TTLL5: variants seen among roughly 807,000 people sequenced by gnomAD.
The protein encoded by TTLL5 is tubulin tyrosine ligase like 5, also known as tubulin polyglutamylase TTLL5.
Under a neutral mutation model 168.4 loss-of-function variants are expected in TTLL5, and 132 were observed. That is an observed-to-expected ratio of 0.78 (90% CI 0.68 to 0.91). The LOEUF is 0.91. Among genes scored for constraint, TTLL5 ranks in the 40% least tolerant of loss-of-function variants. The pLI, the probability that TTLL5 is intolerant of heterozygous loss-of-function variation, is 0.00. For synonymous variants in TTLL5, 546 were observed against 558.6 expected (o/e 0.98, Z 0.32); for missense variants, 1,545 against 1,581.5 (o/e 0.98, Z 0.39).
chr14:75,746,764 A>G (rs967109360), intron 17 of TTLL5, among the ~76,000 whole-genome samples: 1 of 152,036 alleles, frequency 6.6e-6, no homozygotes, highest in African/African-American at 2.4e-5. Flanking sequence ...GGGTCTCCCC[A>G]TGTTGCCCAA....
chr14:75,734,967 A>G (rs1187628262), intron 14 of TTLL5, among the ~76,000 whole-genome samples: 2 of 152,158 alleles, frequency 1.3e-5, no homozygotes, highest in East Asian at 1.9e-4. Context: ...CAGCTACCCA[A>G]CCAGCAAGGT....
intron 31 of TTLL5, among the ~76,000 whole-genome samples, chr14:75,933,799 G>A (rs755909128): frequency 3.9e-5 from 6 of 152,218 alleles, no homozygotes; most frequent in Non-Finnish European, 8.8e-5. Flanking sequence ...ATGAGGCCAT[G>A]CGGCAGGGCC....
intron 31 of TTLL5, among the ~76,000 whole-genome samples, chr14:75,906,325 C>T (rs2033146432): frequency 6.6e-6 from 1 of 152,132 alleles, no homozygotes; most frequent in Admixed American, 6.5e-5. Context: ...CCCCTGATTG[C>T]TCCCCAGATT....
At chr14:75,734,755 G>A (rs1888779651) in intron 14 of TTLL5, among the ~76,000 whole-genome samples, 1 of 152,184 alleles carries the variant, frequency 6.6e-6, no homozygotes, top group African/African-American at 2.4e-5. Flanking sequence ...ACCACCTTCT[G>A]CAGTTCCAGA....
At chr14:75,807,505 A>G (rs1893726088) in intron 27 of TTLL5, among the ~76,000 whole-genome samples, 2 of 152,240 alleles carry the variant, frequency 1.3e-5, no homozygotes, top group African/African-American at 4.8e-5. Flanking sequence ...GACATTAATC[A>G]GATGCTTACT....
chr14:75,899,266 A>G (rs554088108), intron 30 of TTLL5, among the ~76,000 whole-genome samples: 5 of 152,220 alleles, frequency 3.3e-5, no homozygotes, highest in Non-Finnish European at 5.9e-5. Context: ...CATACCTCCC[A>G]ACGTAAATAT....
intron 27 of TTLL5, among the ~76,000 whole-genome samples, chr14:75,800,864 T>C (rs1893266492): frequency 6.6e-6 from 1 of 152,066 alleles, no homozygotes; most frequent in South Asian, 2.1e-4. Flanking sequence ...CCTGATCTGG[T>C]GGAGGTAGCA....
At chr14:75,930,767 A>C in intron 31 of TTLL5, 1 of 454,378 alleles carries the variant, frequency 2.2e-6, no homozygotes. Flanking sequence ...TTCTAAGATC[A>C]ACCTTAGCCG....
chr14:75,745,488 A>G lies in TTLL5; in HGVS notation c.1396-2A>G, dbSNP rs1889550630. On this transcript the variant is annotated splice_acceptor_variant, in intron 16 of 31. Transcript: ENST00000298832. LOFTEE classifies it high-confidence loss of function. ...ACTCATTTTATCTTATTTTTCATCT[A>G]GATCAAAGTTTTACGAAGGGTGAAG... is the stretch of plus-strand genomic sequence containing the variant. 2 of 1,613,794 alleles carry G rather than the reference A, an allele frequency of 1.2e-6. No homozygotes were observed. The highest frequency in any genetic ancestry group is 2.2e-5 in the South Asian group (2 of 91,062).
chr14:75,878,878 C>T (rs888226321), intron 29 of TTLL5, among the ~76,000 whole-genome samples: 36 of 152,116 alleles, frequency 2.4e-4, no homozygotes, highest in African/African-American at 8.5e-4. Context: ...GAGTTGGACA[C>T]AAATAACACA....
At chr14:75,954,134 TC>T (rs2035041314) in intron 31 of TTLL5, among the ~76,000 whole-genome samples, 1 of 151,024 alleles carries the variant, frequency 6.6e-6, no homozygotes, top group South Asian at 2.1e-4. Flanking sequence ...GCACCTGTAG[TC>T]CCAGCTACTC....
chr14:75,728,523 G>A (rs1363117303), intron 12 of TTLL5, among the ~76,000 whole-genome samples: 3 of 152,100 alleles, frequency 2.0e-5, no homozygotes, highest in African/African-American at 7.2e-5. Context: ...AAGAATAATA[G>A]CAAACCAAAC....
At chr14:75,903,024 C>T (rs552110071) in intron 31 of TTLL5, among the ~76,000 whole-genome samples, 2 of 152,234 alleles carry the variant, frequency 1.3e-5, no homozygotes, top group Admixed American at 6.5e-5. Context: ...ACTACATTGA[C>T]TGAGGATTTG....
intron 27 of TTLL5, among the ~76,000 whole-genome samples, chr14:75,800,767 C>T (rs1264977138): frequency 6.6e-6 from 1 of 152,144 alleles, no homozygotes; most frequent in Non-Finnish European, 1.5e-5. Flanking sequence ...AGCAGAGCTG[C>T]TGGGCTCTGG....
intron 27 of TTLL5, among the ~76,000 whole-genome samples, chr14:75,804,998 A>T (rs892295753): frequency 2.6e-5 from 4 of 152,036 alleles, no homozygotes; most frequent in African/African-American, 9.7e-5. Context: ...AACTCATCTT[A>T]CTTGTACTGC....
chr14:75,833,188 C>G (rs536670840), intron 28 of TTLL5, among the ~76,000 whole-genome samples: 1 of 152,344 alleles, frequency 6.6e-6, no homozygotes, highest in East Asian at 1.9e-4. Flanking sequence ...AGCCTCCTCC[C>G]TCTTTCATAT....
At chr14:75,919,785 C>G (rs1331135550) in intron 31 of TTLL5, among the ~76,000 whole-genome samples, 1 of 152,070 alleles carries the variant, frequency 6.6e-6, no homozygotes, top group Non-Finnish European at 1.5e-5. Context: ...TGGACTTCAT[C>G]AGAATTTTAA....
intron 31 of TTLL5, among the ~76,000 whole-genome samples, chr14:75,934,631 G>T (rs1180125504): frequency 1.3e-5 from 2 of 152,130 alleles, no homozygotes; most frequent in Non-Finnish European, 1.5e-5. Flanking sequence ...AAGAGGAGGT[G>T]GGGGGAAGGA....
intron 29 of TTLL5, among the ~76,000 whole-genome samples, chr14:75,876,332 TA>T (rs1447640801): frequency 6.6e-6 from 1 of 152,230 alleles, no homozygotes; most frequent in Non-Finnish European, 1.5e-5. Context: ...CAAGTACAGT[TA>T]ATTTAGGGAC....
Sources: allele counts gnomAD v4.1 joint callset (sites outside exome capture counted in the v4.1 genomes callset), GRCh38; gene constraint gnomAD v4.1.1; transcripts MANE v1.5; gene names NCBI Gene and HGNC (gene_info 2026-07-23, HGNC 2026-07-21).